Variants in CLEC16A observed in about 807,000 individuals in gnomAD.
CLEC16A encodes the protein protein CLEC16A.
A neutral mutation model predicts 109.5 loss-of-function variants in CLEC16A; 51 were observed. The observed-to-expected ratio is 0.47, with a 90% CI of 0.37 to 0.59. CLEC16A has a LOEUF of 0.59. Ranked by LOEUF, CLEC16A falls within the 20% of genes least tolerant of loss-of-function variation. The pLI is 0.00. For synonymous variants in CLEC16A, 673 were observed against 564.2 expected, an observed-to-expected ratio of 1.19 and a Z score of -2.73; for missense variants, 1,339 against 1,394.0, an observed-to-expected ratio of 0.96 and a Z score of 0.63.
chr16:11,108,806 C>T (rs779289507), intron 19 of CLEC16A, among the ~76,000 whole-genome samples: 1 of 152,100 alleles, frequency 6.6e-6, no homozygotes, highest in Non-Finnish European at 1.5e-5. Context: ...TGCCAGCAGC[C>T]ATTGTCATTG....
At chr16:11,139,030 C>T (rs2053699963) in intron 22 of CLEC16A, among the ~76,000 whole-genome samples, 2 of 151,952 alleles carry the variant, frequency 1.3e-5, no homozygotes, top group South Asian at 2.1e-4. Context: ...AAGGCAAAAT[C>T]TTAAGAAGGC....
At chr16:11,012,594 C>CAAAAAAAAAAAAA (rs551902895) in intron 11 of CLEC16A, among the ~76,000 whole-genome samples, 34 of 67,936 alleles carry the variant, frequency 5.0e-4, no homozygotes, top group African/African-American at 1.4e-3. Context: ...GACTCCGTCT[C>CAAAAAAAAAAAAA]AAAAAAAAAA....
chr16:10,982,244 A>G (rs553366194), intron 9 of CLEC16A, among the ~76,000 whole-genome samples: 31 of 152,234 alleles, frequency 2.0e-4, no homozygotes, highest in African/African-American at 6.5e-4. Flanking sequence ...GGGCCAGCTT[A>G]GCCCAGAGGC....
chr16:11,170,141 G>T (rs1175585615), intron 23 of CLEC16A, among the ~76,000 whole-genome samples: 1 of 152,182 alleles, frequency 6.6e-6, no homozygotes, highest in Non-Finnish European at 1.5e-5. Context: ...AGAGACCCGG[G>T]CCCCGATCTG....
chr16:11,075,374 A>ATGTCTGTGTGTGTGTGTGTGTGTGTG (rs1251989507), intron 19 of CLEC16A, among the ~76,000 whole-genome samples: 4 of 123,826 alleles, frequency 3.2e-5, no homozygotes, highest in Non-Finnish European at 5.2e-5. Context: ...GACCTTGGAT[A>ATGTCTGTGTGTGTGTGTGTGTGTGTG]TGTCTGTGTG....
Position 10,989,942 on chromosome 16 carries a change from C to T in CLEC16A, c.1071+6951C>T, listed in dbSNP as rs150581485. ...TCTCCCGTGTGCTGAATGCATCAGG[C>T]AGGATAGCACCCCTTCCGGCCAGGA... On this transcript the variant is annotated intron_variant, in intron 10 of 23. Transcript: ENST00000409790. Among the ~76,000 whole-genome samples, 268 of 152,304 alleles carry T rather than the reference C, an allele frequency of 1.8e-3. 1 individual carries two copies. Among genetic ancestry groups the T allele is most frequent in the African/African-American group, 6.0e-3 (251 of 41,562 alleles).
chr16:11,167,791 G>A (rs1341411934), intron 23 of CLEC16A, among the ~76,000 whole-genome samples: 1 of 152,158 alleles, frequency 6.6e-6, no homozygotes, highest in Non-Finnish European at 1.5e-5. Flanking sequence ...CTATTTCTGA[G>A]CCCAATTTAA....
intron 19 of CLEC16A, among the ~76,000 whole-genome samples, chr16:11,087,057 T>C (rs1173942775): frequency 6.6e-6 from 1 of 152,216 alleles, no homozygotes; most frequent in East Asian, 1.9e-4. Context: ...ATGGAGTAAG[T>C]TAAGCTAGTC....
intron 20 of CLEC16A, 66 bp downstream of exon 20, chr16:11,120,832 A>AC: frequency 8.3e-7 from 1 of 1,209,472 alleles, no homozygotes; most frequent in Non-Finnish European, 1.1e-6. Context: ...ACACACACAC[A>AC]CACACACCAC....
intron 18 of CLEC16A, among the ~76,000 whole-genome samples, chr16:11,060,042 G>A (rs994494001): frequency 3.3e-5 from 5 of 152,192 alleles, no homozygotes; most frequent in Admixed American, 1.3e-4. Flanking sequence ...CCTGTCCTGG[G>A]GCTGGAGGCT....
At position 11,120,581 on chromosome 16, in the gene CLEC16A, G is replaced by A. The variant is rs200631429; in HGVS notation, c.2117-34G>A. On this transcript the variant is annotated intron_variant, in intron 19 of 23. Transcript: ENST00000409790. ...CTCCATCACCCTGGGCAGCCAGACT[G>A]TGCCTCATTCTCTTCTCACCTTCCT... is the stretch of plus-strand genomic sequence containing the variant. The A allele has an allele frequency of 3.7e-5, 59 of 1,583,934 alleles. No homozygotes were observed. The Admixed American group carries it at 9.4e-4, about 25-fold the overall frequency.
intron 13 of CLEC16A, among the ~76,000 whole-genome samples, chr16:11,033,918 C>T (rs1252592508): frequency 4.6e-5 from 7 of 152,160 alleles, no homozygotes; most frequent in Non-Finnish European, 1.0e-4. Context: ...TCCGCTGAGT[C>T]CTGGGCCAGA....
chr16:11,039,622 AAAAG>A, intron 13 of CLEC16A, 128 bp from the exon 14 acceptor site: 1 of 1,141,920 alleles, frequency 8.8e-7, no homozygotes, highest in Non-Finnish European at 1.2e-6. Context: ...AAAGAAAAGA[AAAAG>A]GAAAAGAAAT....
chr16:11,119,278 C>T (rs1012827512), intron 19 of CLEC16A, among the ~76,000 whole-genome samples: 6 of 152,232 alleles, frequency 3.9e-5, no homozygotes, highest in African/African-American at 9.6e-5. Context: ...GCTGGAATTA[C>T]AGGCATGAGC....
chr16:11,039,033 C>T (rs985051775), intron 13 of CLEC16A, among the ~76,000 whole-genome samples: 1 of 151,996 alleles, frequency 6.6e-6, no homozygotes, highest in Admixed American at 6.6e-5. Flanking sequence ...TGTCTAGTCT[C>T]TCTTTCTCTA....
At chr16:11,019,300 A>G (rs1203711156) in intron 11 of CLEC16A, among the ~76,000 whole-genome samples, 1 of 152,226 alleles carries the variant, frequency 6.6e-6, no homozygotes. Flanking sequence ...TTGGTGGTTC[A>G]TAACTTTTTC....
chr16:11,104,289 A>G (rs1010492487), intron 19 of CLEC16A, among the ~76,000 whole-genome samples: 4 of 145,088 alleles, frequency 2.8e-5, no homozygotes, highest in African/African-American at 7.7e-5. Context: ...TTTTTTTATT[A>G]AAATTATCTC....
At chr16:11,151,118 C>T (rs1567394961) in intron 22 of CLEC16A, among the ~76,000 whole-genome samples, 1 of 152,202 alleles carries the variant, frequency 6.6e-6, no homozygotes, top group South Asian at 2.1e-4. Context: ...GAAGGGGACA[C>T]AGTGAAACAC....
At position 11,052,603 on chromosome 16, in the gene CLEC16A, G is replaced by A. The variant is rs531895330; in HGVS notation, c.1995+962G>A. Reference sequence around the variant, plus strand: ...CTCACCGCAGGACCCACCCTGTCCGGCCCACTGACGCCTTCCTTCCATGTC... The same window carrying A: ...CTCACCGCAGGACCCACCCTGTCCGACCCACTGACGCCTTCCTTCCATGTC... On this transcript the variant is annotated intron_variant, in intron 18 of 23. Transcript: ENST00000409790. Among the ~76,000 whole-genome samples the A allele has an allele frequency of 8.5e-5, 13 of 152,248 alleles. No homozygotes were observed. The South Asian group carries it at 1.2e-3, about 15-fold the overall frequency.
Sources: allele counts gnomAD v4.1 joint callset (sites outside exome capture counted in the v4.1 genomes callset), GRCh38; gene constraint gnomAD v4.1.1; transcripts MANE v1.5; gene names NCBI Gene and HGNC (gene_info 2026-07-23, HGNC 2026-07-21).